PLXNA4: variants seen among roughly 807,000 people sequenced by gnomAD.
PLXNA4 encodes plexin-A4.
A neutral mutation model predicts 191.8 loss-of-function variants in PLXNA4; 44 were observed. The ratio of observed to expected loss-of-function variants is 0.23; its 90% CI spans 0.18 to 0.29. The LOEUF is 0.29. Among genes scored for constraint, PLXNA4 ranks in the 10% least tolerant of loss-of-function variants. The pLI, the probability that PLXNA4 is intolerant of heterozygous loss-of-function variation, is 1.00. For missense variants in PLXNA4, 1,800 were observed against 2,488.8 expected (o/e 0.72, Z 5.89); for synonymous variants, 1,082 against 1,009.5 (o/e 1.07, Z -1.36).
At chr7:132,270,232 G>C (rs1800013214) in intron 4 of PLXNA4, among the ~76,000 whole-genome samples, 1 of 152,124 alleles carries the variant, frequency 6.6e-6, no homozygotes, top group East Asian at 1.9e-4. Context: ...AGCAATAATT[G>C]CCGTGCCTGG....
chr7:132,534,603 G>T (rs922868310), intron 1 of PLXNA4, among the ~76,000 whole-genome samples: 2 of 152,220 alleles, frequency 1.3e-5, no homozygotes, highest in Non-Finnish European at 2.9e-5. Flanking sequence ...GAGAGCAGCC[G>T]GGAGCTGGAG....
At chr7:132,540,569 C>CTTTTTTTTT (rs71915138) in intron 1 of PLXNA4, among the ~76,000 whole-genome samples, 799 of 61,000 alleles carry the variant, frequency 0.013, 213 homozygotes, top group East Asian at 0.016. Flanking sequence ...GTGGACCGTT[C>CTTTTTTTTT]TTTTTTTTTT....
chr7:132,611,481 A>G (rs1390976129), intron 2 of PLXNA4, among the ~76,000 whole-genome samples: 1 of 152,344 alleles, frequency 6.6e-6, no homozygotes, highest in East Asian at 1.9e-4. Context: ...CACACTTCTC[A>G]GTACCCAACT....
chr7:132,605,855 G>A (rs891421815), intron 2 of PLXNA4, among the ~76,000 whole-genome samples: 1 of 152,104 alleles, frequency 6.6e-6, no homozygotes, highest in African/African-American at 2.4e-5. Context: ...GAAAATAGAG[G>A]CAGAGACTGG....
At chr7:132,423,699 C>A (rs1794934706) in intron 3 of PLXNA4, among the ~76,000 whole-genome samples, 1 of 152,194 alleles carries the variant, frequency 6.6e-6, no homozygotes, top group African/African-American at 2.4e-5. Context: ...GGACTGGGCT[C>A]CCTGTCTGGA....
At chr7:132,173,250 A>G (rs1796348008) in intron 21 of PLXNA4, among the ~76,000 whole-genome samples, 1 of 152,330 alleles carries the variant, frequency 6.6e-6, no homozygotes, top group Admixed American at 6.5e-5. Flanking sequence ...AAATAAAAGG[A>G]AGAGAAAAAT....
At chr7:132,341,718 C>T (rs1373963896) in intron 3 of PLXNA4, among the ~76,000 whole-genome samples, 1 of 152,226 alleles carries the variant, frequency 6.6e-6, no homozygotes, top group African/African-American at 2.4e-5. Context: ...GGCCCTTACC[C>T]TGTCCCTTTA....
intron 4 of PLXNA4, among the ~76,000 whole-genome samples, chr7:132,244,226 G>T (rs1468568158): frequency 6.6e-6 from 1 of 152,024 alleles, no homozygotes; most frequent in East Asian, 1.9e-4. Context: ...GAGGAACTGG[G>T]CGCGTTAGGT....
chr7:132,564,905 C>T (rs761807955), intron 1 of PLXNA4, among the ~76,000 whole-genome samples: 4 of 150,304 alleles, frequency 2.7e-5, no homozygotes, highest in Non-Finnish European at 5.9e-5. Flanking sequence ...TGTCTCCTGC[C>T]ATCCCTGCTG....
At chr7:132,227,686 A>C (rs1798376451) in intron 6 of PLXNA4, 82 bp from the exon 7 acceptor site, 1 of 1,542,140 alleles carries the variant, frequency 6.5e-7, no homozygotes, top group African/African-American at 1.4e-5. Context: ...AGAAAGTGGG[A>C]GAGTGAGAGA....
chr7:132,264,811 C>T (rs1799787187), intron 4 of PLXNA4, among the ~76,000 whole-genome samples: 1 of 151,966 alleles, frequency 6.6e-6, no homozygotes, highest in African/African-American at 2.4e-5. Flanking sequence ...GATCCTCCTG[C>T]CTCAGCCTCC....
chr7:132,553,408 G>A (rs1800651537), intron 1 of PLXNA4, among the ~76,000 whole-genome samples: 2 of 152,144 alleles, frequency 1.3e-5, no homozygotes, highest in Admixed American at 1.3e-4. Context: ...AAAAGCCAAG[G>A]GGTGATGGTC....
At chr7:132,545,506 C>T (rs1319832864) in intron 1 of PLXNA4, among the ~76,000 whole-genome samples, 1 of 152,192 alleles carries the variant, frequency 6.6e-6, no homozygotes, top group Non-Finnish European at 1.5e-5. Flanking sequence ...CCAGGCATCA[C>T]TTTCTTGTCA....
intron 3 of PLXNA4, among the ~76,000 whole-genome samples, chr7:132,435,670 C>A (rs1415998873): frequency 2.6e-5 from 4 of 152,182 alleles, no homozygotes; most frequent in African/African-American, 9.7e-5. Context: ...TGTTCGGCAA[C>A]ACTTGTCTTT....
chr7:132,262,286 G>A (rs1254498154), intron 4 of PLXNA4, among the ~76,000 whole-genome samples: 4 of 152,122 alleles, frequency 2.6e-5, no homozygotes, highest in East Asian at 1.9e-4. Context: ...CTTGCCGCTC[G>A]GGGGCTGCCA....
At chr7:132,360,023 A>G (rs1479758862) in intron 3 of PLXNA4, among the ~76,000 whole-genome samples, 3 of 152,194 alleles carry the variant, frequency 2.0e-5, no homozygotes, top group African/African-American at 7.2e-5. Context: ...TTGAGTTCTC[A>G]TTTGCCATGG....
In PLXNA4 at chr7:132,168,567, C is replaced by T. The variant is rs199620158; in HGVS notation, c.4023G>A (p.Pro1341=). 1.0e-5 allele frequency: 16 copies of T among 1,578,440 alleles called. No individual in the cohort carries two copies. Among genetic ancestry groups the T allele is most frequent in the East Asian group, 2.3e-5 (1 of 44,334 alleles). The part of the protein sequence containing the change: ...DHPVLRDLEV[P]GYRQERVEKG... ...TCTCCACACGCTCCTGCCGGTAGCC[C>T]GGGACCTGCAGAGAGACCTAGGAGT... The change falls in exon 22 of 32, where the codon CCG becomes CCA. Residue 1341 remains proline (P), a synonymous_variant. Coordinates refer to ENST00000321063, the MANE Select transcript of PLXNA4 (RefSeq NM_020911.2).
intron 1 of PLXNA4, among the ~76,000 whole-genome samples, chr7:132,569,573 C>G (rs549665782): frequency 6.6e-6 from 1 of 152,252 alleles, no homozygotes; most frequent in Non-Finnish European, 1.5e-5. Flanking sequence ...CCGATCTAGA[C>G]TAACCTCCTC....
chr7:132,333,476 G>A (rs572202771), intron 3 of PLXNA4, among the ~76,000 whole-genome samples: 2 of 152,308 alleles, frequency 1.3e-5, no homozygotes, highest in African/African-American at 4.8e-5. Context: ...CCAGTGCCAG[G>A]GGAGGTGTGA....
Sources: gnomAD v4.1 joint callset for allele counts (sites outside exome capture counted in the v4.1 genomes callset) on GRCh38, gnomAD v4.1.1 for gene constraint, MANE v1.5 for transcripts, NCBI Gene and HGNC (gene_info 2026-07-23, HGNC 2026-07-21) for gene names.